The following CCDC7 variants were observed in gnomAD, a reference collection of about 807,000 sequenced individuals.
The protein encoded by CCDC7 is coiled-coil domain-containing protein 7.
A neutral mutation model predicts 196.9 loss-of-function variants in CCDC7; 183 were observed. The ratio of observed to expected loss-of-function variants is 0.93; its 90% CI spans 0.82 to 1.05. The LOEUF (loss-of-function observed/expected upper bound fraction) is 1.05, where lower values mean the gene tolerates loss of function less well. CCDC7 is among the 50% of genes least tolerant of loss of function. The probability of loss-of-function intolerance (pLI) is 0.00; values close to 1 mark genes in which losing one functional copy is unlikely to be tolerated. For missense variants in CCDC7, 1,540 were observed against 1,482.2 expected (o/e 1.04, Z -0.64); for synonymous variants, 525 against 484.6 (o/e 1.08, Z -1.10).
chr10:32,655,640 C>T (rs2069673869), intron 20 of CCDC7, among the ~76,000 whole-genome samples: 1 of 152,090 alleles, frequency 6.6e-6, no homozygotes, highest in South Asian at 2.1e-4. Flanking sequence ...GATTCTCCTA[C>T]CTCAACTTCC....
At chr10:32,449,668 G>A (rs1033413544), upstream of CCDC7, among the ~76,000 whole-genome samples, 1 of 152,096 alleles carries the variant, frequency 6.6e-6, no homozygotes, top group Non-Finnish European at 1.5e-5. Context: ...ATTTGTTTTC[G>A]AAGTGCTAAA....
At chr10:32,692,362 G>T (rs904577859) in intron 23 of CCDC7, among the ~76,000 whole-genome samples, 1 of 152,188 alleles carries the variant, frequency 6.6e-6, no homozygotes, top group Non-Finnish European at 1.5e-5. Context: ...TGAATCAGAG[G>T]ATAAAGAGAC....
chr10:32,773,516 T>TAGAAAGAGAA (rs2079495871), intron 28 of CCDC7, among the ~76,000 whole-genome samples: 4 of 152,158 alleles, frequency 2.6e-5, no homozygotes, highest in Admixed American at 1.3e-4. Context: ...TTCTCTTTGG[T>TAGAAAGAGAA]CTTAAAAAAT....
chr10:32,528,941 G>A (rs1029456290), intron 11 of CCDC7, among the ~76,000 whole-genome samples: 3 of 151,730 alleles, frequency 2.0e-5, no homozygotes, highest in African/African-American at 4.8e-5. Context: ...TTTCCTCTGG[G>A]TAGATACCCA....
chr10:32,755,936 T>C (rs1272559562), intron 28 of CCDC7, among the ~76,000 whole-genome samples: 1 of 152,102 alleles, frequency 6.6e-6, no homozygotes, highest in African/African-American at 2.4e-5. Context: ...CAGAAAACCA[T>C]GGCACGAGAA....
chr10:32,862,035 A>T (rs1443184603), intron 41 of CCDC7, among the ~76,000 whole-genome samples: 1 of 152,174 alleles, frequency 6.6e-6, no homozygotes, highest in African/African-American at 2.4e-5. Flanking sequence ...AGAACTATAA[A>T]TACCATTTGA....
At chr10:32,670,852 C>G (rs1040432579) in intron 21 of CCDC7, among the ~76,000 whole-genome samples, 2 of 151,254 alleles carry the variant, frequency 1.3e-5, no homozygotes, top group Non-Finnish European at 2.9e-5. Context: ...CTTCTATAAA[C>G]TTTGGGTTTA....
At chr10:32,825,529 T>A (rs2090983359) in intron 32 of CCDC7, among the ~76,000 whole-genome samples, 1 of 152,204 alleles carries the variant, frequency 6.6e-6, no homozygotes, top group African/African-American at 2.4e-5. Context: ...CATCTGTATC[T>A]ATCTATATAT....
chr10:32,873,026 T>C (rs2094484312), intron 41 of CCDC7, among the ~76,000 whole-genome samples: 1 of 152,124 alleles, frequency 6.6e-6, no homozygotes, highest in African/African-American at 2.4e-5. Flanking sequence ...TTGGATTTGC[T>C]CTTCTCGAGG....
chr10:32,711,636 A>T, exon 25 of CCDC7: 1 of 1,585,450 alleles, frequency 6.3e-7, no homozygotes, highest in East Asian at 2.3e-5. Context: ...ATGAAGAATC[A>T]GGTGAAAATC....
intron 13 of CCDC7, among the ~76,000 whole-genome samples, chr10:32,564,247 T>G (rs1035206735): frequency 6.6e-6 from 1 of 152,146 alleles, no homozygotes; most frequent in Admixed American, 6.6e-5. Context: ...GTGTGGCGAT[T>G]CCTCAGGGAT....
chr10:32,560,248 G>T lies in CCDC7; in HGVS notation c.1135-5310G>T, dbSNP rs1468693918. ...ATGGAACCAAGTTGGAAAACACTCTGCAAGATATTATCCAGGAGAACTTCC... is the reference window on the plus strand; with the variant it reads ...ATGGAACCAAGTTGGAAAACACTCTTCAAGATATTATCCAGGAGAACTTCC... On this transcript the variant is annotated intron_variant, in intron 13 of 41. Coordinates refer to ENST00000639629, the Ensembl canonical transcript of CCDC7. Among the ~76,000 whole-genome samples the T allele has an allele frequency of 6.6e-5, 10 of 152,228 alleles. No individual in the cohort carries two copies. In the South Asian group the frequency reaches 1.0e-3, roughly 16 times the overall value.
intron 21 of CCDC7, among the ~76,000 whole-genome samples, chr10:32,680,528 C>A (rs555276353): frequency 1.3e-4 from 20 of 152,100 alleles, no homozygotes; most frequent in Admixed American, 3.3e-4. Flanking sequence ...TTTGCTGCTC[C>A]CATCAACTCG....
intron 9 of CCDC7, among the ~76,000 whole-genome samples, chr10:32,507,889 G>T (rs1419528768): frequency 6.6e-6 from 1 of 152,146 alleles, no homozygotes; most frequent in African/African-American, 2.4e-5. Flanking sequence ...CACATAAAAA[G>T]GCCATATTAG....
At chr10:32,805,189 G>A in intron 30 of CCDC7, 91 bp downstream of exon 31, 1 of 882,446 alleles carries the variant, frequency 1.1e-6, no homozygotes, top group Non-Finnish European at 1.8e-6. Context: ...GTGCCCATTT[G>A]TTATTATGAC....
At chr10:32,454,641 A>G (rs1047737878) in intron 2 of CCDC7, among the ~76,000 whole-genome samples, 6 of 152,166 alleles carry the variant, frequency 3.9e-5, no homozygotes, top group Non-Finnish European at 7.3e-5. Context: ...GTGGTCTCCA[A>G]TACTGACAAA....
intron 32 of CCDC7, among the ~76,000 whole-genome samples, chr10:32,828,598 G>A (rs1372072970): frequency 6.6e-6 from 1 of 151,966 alleles, no homozygotes; most frequent in Non-Finnish European, 1.5e-5. Flanking sequence ...TCATGCTCTT[G>A]GAATTCACTG....
Position 32,704,819 on chromosome 10 carries a change from G to A in CCDC7, c.2459-6801G>A, listed in dbSNP as rs577346290. Among the ~76,000 whole-genome samples the A allele has an allele frequency of 6.6e-4, 100 of 152,278 alleles. 1 individual carries two copies. Among genetic ancestry groups the A allele is most frequent in the African/African-American group, 1.9e-3 (79 of 41,594 alleles). ...GTGTAGCACTCTCCGAGCCAGGCGC[G>A]GGATATATTCTCCTGGTGTGCCATT... On this transcript the variant is annotated intron_variant, in intron 24 of 41. Transcript: ENST00000639629.
intron 23 of CCDC7, among the ~76,000 whole-genome samples, chr10:32,692,133 T>C (rs1004095664): frequency 6.6e-6 from 1 of 152,238 alleles, no homozygotes; most frequent in African/African-American, 2.4e-5. Context: ...CATTAAAGCA[T>C]GAGTCTCAAT....
Sources: gnomAD v4.1 joint callset for allele counts (sites outside exome capture counted in the v4.1 genomes callset) on GRCh38, gnomAD v4.1.1 for gene constraint, MANE v1.5 for transcripts, NCBI Gene and HGNC (gene_info 2026-07-23, HGNC 2026-07-21) for gene names.